LRP8: variants seen among roughly 807,000 people sequenced by gnomAD.
LRP8 encodes low-density lipoprotein receptor-related protein 8.
LRP8 carries 46 observed loss-of-function variants against 111.6 expected under a neutral mutation model. That is an observed-to-expected ratio of 0.41 (90% CI 0.33 to 0.53). LRP8 has a LOEUF of 0.53. Ranked by LOEUF, LRP8 falls within the 20% of genes least tolerant of loss-of-function variation. LRP8 has a pLI of 0.20. For missense variants in LRP8, 959 were observed against 1,297.4 expected (o/e 0.74, Z 4.01); for synonymous variants, 464 against 511.2 (o/e 0.91, Z 1.24).
chr1:53,325,657 A>C (rs1363641834), intron 2 of LRP8, among the ~76,000 whole-genome samples: 1 of 152,238 alleles, frequency 6.6e-6, no homozygotes, highest in Non-Finnish European at 1.5e-5. Flanking sequence ...GTGACTGGCA[A>C]ACAGTCAAAA....
intron 6 of LRP8, among the ~76,000 whole-genome samples, chr1:53,273,302 C>G (rs1646816347): frequency 6.6e-6 from 1 of 152,146 alleles, no homozygotes; most frequent in Non-Finnish European, 1.5e-5. Context: ...CACCAGCATG[C>G]CCACAACTAC....
intron 3 of LRP8, among the ~76,000 whole-genome samples, chr1:53,284,485 A>G (rs999694446): frequency 8.5e-5 from 13 of 152,152 alleles, no homozygotes; most frequent in Non-Finnish European, 1.8e-4. Flanking sequence ...CAAATCCTGC[A>G]TGCTCCAGAA....
At chr1:53,270,066 C>A (rs2100403314) in intron 8 of LRP8, among the ~76,000 whole-genome samples, 1 of 152,178 alleles carries the variant, frequency 6.6e-6, no homozygotes, top group Middle Eastern at 3.4e-3. Context: ...TTGGGTGGCT[C>A]TATACAGTGT....
intron 8 of LRP8, 86 bp downstream of exon 8, chr1:53,270,942 T>G: frequency 6.3e-7 from 1 of 1,593,070 alleles, no homozygotes; most frequent in East Asian, 2.2e-5. Context: ...TGTGCGCACA[T>G]GTACACGCCC....
At chr1:53,320,448 T>C (rs1455514370) in intron 2 of LRP8, among the ~76,000 whole-genome samples, 1 of 152,074 alleles carries the variant, frequency 6.6e-6, no homozygotes, top group East Asian at 1.9e-4. Flanking sequence ...AATTCGACCA[T>C]CAGGGCCTTA....
rs3202450 is a variant in LRP8 at position 53,246,720 on chromosome 1, G to C, written c.*298C>G. On this transcript the variant is annotated 3_prime_UTR_variant, in exon 19 of 19. Transcript: ENST00000306052. ...GGTACTGTGCCATTGGCCCCCATTT[G>C]GTTATGTGCATCATGTTAGTCAGCA... is the stretch of plus-strand genomic sequence containing the variant. 2.6e-6 allele frequency: 1 copy of C among 383,412 alleles called. No individual in the cohort carries two copies. The highest frequency in any genetic ancestry group is 5.1e-5 in the Admixed American group (1 of 19,774). 23.8% of individuals were successfully genotyped at this position (383,412 alleles called of 1,614,324 possible).
In LRP8 at chr1:53,272,571, G is replaced by A; in HGVS notation, c.1007-1225C>T. 3 of 1,291,184 alleles carry A rather than the reference G, an allele frequency of 2.3e-6. No homozygotes were observed. In the South Asian group the frequency reaches 3.7e-5, roughly 16 times the overall value. 80.0% of individuals were successfully genotyped at this position (1,291,184 alleles called of 1,614,324 possible). A position where few individuals can be genotyped will look rare whatever the true frequency, so the allele number is the denominator to read the frequency against. On this transcript the variant is annotated intron_variant, in intron 6 of 18. Coordinates refer to ENST00000306052, the MANE Select transcript of LRP8 (RefSeq NM_004631.5). ...CAGCTATGGGGTGCCCCCACTTCCA[G>A]CCTGAGCCATGCTTAGGGAATAACC...
Position 53,258,595 on chromosome 1 carries a change from AT to A in LRP8, c.2057-125del, listed in dbSNP as rs367700948. ...GCTTGCCCTATACTTTTTTTTTCAC[AT>A]TTTTTTTCTTTTTCTTTCTTTTTTT... On this transcript the variant is annotated intron_variant, in intron 13 of 18. Transcript: ENST00000306052. The A allele has an allele frequency of 6.8e-5, 57 of 832,706 alleles. 2 individuals are homozygous for A. Among genetic ancestry groups the A allele is most frequent in the African/African-American group, 3.3e-4 (19 of 57,104 alleles). The allele number at this position is 832,706 out of a possible 1,614,324, so 51.6% of individuals were successfully genotyped here. A position where few individuals can be genotyped will look rare whatever the true frequency, so the allele number is the denominator to read the frequency against.
chr1:53,275,757 C>T lies in LRP8; in HGVS notation c.884-4G>A, dbSNP rs1364205200. Reference sequence around the variant, plus strand: ...TCCCCACGGCAGGTGCCCAGTGCTGCCAGGAGAGGGCAAGGGGAGAGGATC... The same window carrying T: ...TCCCCACGGCAGGTGCCCAGTGCTGTCAGGAGAGGGCAAGGGGAGAGGATC... On this transcript the variant is annotated splice_polypyrimidine_tract_variant and splice_region_variant and intron_variant, in intron 5 of 18. Coordinates refer to ENST00000306052, the MANE Select transcript of LRP8 (RefSeq NM_004631.5). This position sits in a 1 kb window ranked among gnomAD's most constrained non-coding sequence, Gnocchi z 4.4. The T allele has an allele frequency of 1.2e-6, 2 of 1,613,658 alleles. No homozygotes were observed. Among genetic ancestry groups the T allele is most frequent in the South Asian group, 1.1e-5 (1 of 91,056 alleles).
chr1:53,264,080 TC>T lies in LRP8; in HGVS notation c.1655+88del. ...CCTGTGTCTGAGTGGCCCAGAGCTTTCTAGAACCCTCAAGATAGCCCTTGTG... is the reference window on the plus strand; with the variant it reads ...CCTGTGTCTGAGTGGCCCAGAGCTTTTAGAACCCTCAAGATAGCCCTTGTG... On this transcript the variant is annotated intron_variant, in intron 10 of 18. Transcript: ENST00000306052. The T allele has an allele frequency of 1.5e-6, 2 of 1,312,546 alleles. 1 individual carries two copies. The highest frequency in any genetic ancestry group is 5.0e-5 in the East Asian group (2 of 40,174). 81.3% of individuals were successfully genotyped at this position (1,312,546 alleles called of 1,614,324 possible). A position where few individuals can be genotyped will look rare whatever the true frequency, so the allele number is the denominator to read the frequency against.
intron 2 of LRP8, chr1:53,305,410 C>G (rs977957663): frequency 3.9e-5 from 6 of 152,236 alleles, no homozygotes; most frequent in African/African-American, 1.4e-4. Flanking sequence ...GCCCCACCAC[C>G]AGGCTTTGTA....
At chr1:53,310,381 T>A (rs1198165587) in intron 2 of LRP8, among the ~76,000 whole-genome samples, 2 of 152,074 alleles carry the variant, frequency 1.3e-5, no homozygotes, top group African/African-American at 4.8e-5. Context: ...AGATGTTCTG[T>A]CTCCTGCTAA....
chr1:53,324,239 C>T (rs1267588968), intron 2 of LRP8, among the ~76,000 whole-genome samples: 1 of 152,222 alleles, frequency 6.6e-6, no homozygotes, highest in Non-Finnish European at 1.5e-5. Context: ...AGCTCTCTCT[C>T]CTGCAGGGAG....
intron 16 of LRP8, among the ~76,000 whole-genome samples, chr1:53,252,955 C>T (rs910747349): frequency 2.0e-5 from 3 of 151,974 alleles, no homozygotes; most frequent in East Asian, 1.9e-4. Flanking sequence ...ACTGCTTAGA[C>T]GCAAATCAAA....
In LRP8 at chr1:53,257,341, G is replaced by T; in HGVS notation, c.2333C>A (p.Pro778Gln). 6.2e-7 allele frequency: 1 copy of T among 1,614,140 alleles called. No homozygotes were observed. Among genetic ancestry groups the T allele is most frequent in the Non-Finnish European group, 8.5e-7 (1 of 1,180,026 alleles). The change falls in exon 15 of 19, where the codon CCA (proline) becomes CAA (glutamine). Residue 778 changes from proline to glutamine, a missense_variant. Coordinates refer to ENST00000306052, the MANE Select transcript of LRP8 (RefSeq NM_004631.5). ...STYQNHSTET[P>Q]SLTAAVPSSV... The stretch of plus-strand genomic sequence containing the variant: ...GCTTGGGACTGCAGCTGTCAGGCTT[G>T]GTGTCTCTGTGCTGTGGTTCTGGTA...
intron 14 of LRP8, 91 bp from the exon 15 acceptor site, chr1:53,257,555 T>G: frequency 1.0e-6 from 1 of 962,206 alleles, no homozygotes; most frequent in South Asian, 1.5e-5. Flanking sequence ...CTTATCTTCA[T>G]GGCGTAGCTC....
rs1302411297 is a variant in LRP8, at chr1:53,317,675, C to G, written c.244+9198G>C. On this transcript the variant is annotated intron_variant, in intron 2 of 18. Coordinates refer to ENST00000306052, the MANE Select transcript of LRP8 (RefSeq NM_004631.5). The surrounding 1 kb of genome is among the most constrained non-coding windows in gnomAD (Gnocchi z 4.9). ...GGAAGGGAAACGCTCATTTTCAGGG[C>G]CAGGCTCTGGGCAAAGTACTTTCCT... is the stretch of plus-strand genomic sequence containing the variant. Among the ~76,000 whole-genome samples the G allele has an allele frequency of 6.6e-6, 1 of 152,206 alleles. No individual in the cohort carries two copies. Among genetic ancestry groups the G allele is most frequent in the Non-Finnish European group, 1.5e-5 (1 of 68,032 alleles).
chr1:53,276,907 G>A lies in LRP8; in HGVS notation c.668C>T (p.Pro223Leu). Reference sequence around the variant, plus strand: ...CTGGCGGTCGCAGACCCAGCGCTCCGGGATGCAGGCGCCGCCGCCATCGCC... The same window carrying A: ...CTGGCGGTCGCAGACCCAGCGCTCCAGGATGCAGGCGCCGCCGCCATCGCC... Reference protein sequence around the residue: ...CGGDGGGACIPERWVCDRQFD... With the variant: ...CGGDGGGACILERWVCDRQFD... The change falls in exon 5 of 19, where the codon CCG becomes CTG. Residue 223 changes from proline (P) to leucine (L), a missense_variant. Transcript: ENST00000306052. 2.8e-6 allele frequency: 4 copies of A among 1,433,362 alleles called. No individual in the cohort carries two copies. The highest frequency in any genetic ancestry group is 3.3e-5 in the East Asian group (1 of 30,008). The allele number at this position is 1,433,362 out of a possible 1,614,324, so 88.8% of individuals were successfully genotyped here. A position where few individuals can be genotyped will look rare whatever the true frequency, so the allele number is the denominator to read the frequency against.
intron 15 of LRP8, among the ~76,000 whole-genome samples, chr1:53,257,004 G>A (rs148817200): frequency 6.6e-6 from 1 of 152,318 alleles, no homozygotes; most frequent in African/African-American, 2.4e-5. Flanking sequence ...CACTTTGTAA[G>A]AGAAGCAACT....
Sources: allele counts gnomAD v4.1 joint callset (sites outside exome capture counted in the v4.1 genomes callset), GRCh38; gene constraint gnomAD v4.1.1; non-coding constraint Gnocchi (gnomAD v3.1); transcripts MANE v1.5; gene names NCBI Gene and HGNC (gene_info 2026-07-23, HGNC 2026-07-21).